RHBDL3: variants seen among roughly 807,000 people sequenced by gnomAD.
The protein encoded by RHBDL3 is rhomboid-related protein 3.
RHBDL3 carries 28 observed loss-of-function variants against 48.2 expected under a neutral mutation model. The ratio of observed to expected loss-of-function variants is 0.58; its 90% CI spans 0.43 to 0.80. The LOEUF is 0.80. Among genes scored for constraint, RHBDL3 ranks in the 30% least tolerant of loss-of-function variants. The probability of loss-of-function intolerance (pLI) is 0.00; values close to 1 mark genes in which losing one functional copy is unlikely to be tolerated. For synonymous variants in RHBDL3, 208 were observed against 232.3 expected (o/e 0.90, Z 0.95); for missense variants, 464 against 542.7 (o/e 0.85, Z 1.44).
chr17:32,298,231 A>G (rs1248965134), intron 6 of RHBDL3, 27 bp downstream of exon 6: 1 of 1,483,130 alleles, frequency 6.7e-7, no homozygotes, highest in African/African-American at 1.4e-5. Flanking sequence ...CGTGTCCACA[A>G]AGGCACACTG....
At position 32,270,249 on chromosome 17, in the gene RHBDL3, G is replaced by A. The variant is rs564457713; in HGVS notation, c.135+2324G>A. ...GTAAGCACAAGTGACTCTGGAGTTC[G>A]CCTTCCAGAGATCAATGGCATGGGT... On this transcript the variant is annotated intron_variant, in intron 2 of 8. Transcript: ENST00000269051. Among the ~76,000 whole-genome samples, 17 of 151,378 alleles carry A rather than the reference G, an allele frequency of 1.1e-4. No homozygotes were observed. In the South Asian group the frequency reaches 3.4e-3, roughly 30 times the overall value.
At chr17:32,318,559 T>C (rs941365899) in intron 8 of RHBDL3, among the ~76,000 whole-genome samples, 1 of 151,778 alleles carries the variant, frequency 6.6e-6, no homozygotes, top group African/African-American at 2.4e-5. Flanking sequence ...GGTATTATTA[T>C]TAGCTTAATT....
intron 2 of RHBDL3, among the ~76,000 whole-genome samples, chr17:32,268,800 GT>G (rs1376875560): frequency 1.3e-5 from 2 of 152,116 alleles, no homozygotes; most frequent in South Asian, 4.1e-4. Flanking sequence ...GCCTTAGAAA[GT>G]TTTTTAGCAG....
intron 2 of RHBDL3, among the ~76,000 whole-genome samples, chr17:32,276,574 A>AG (rs2039903759): frequency 6.6e-6 from 1 of 152,234 alleles, no homozygotes; most frequent in African/African-American, 2.4e-5. Context: ...GTAATGAGGC[A>AG]GGGGGCCAGC....
intron 2 of RHBDL3, among the ~76,000 whole-genome samples, chr17:32,270,614 T>C (rs995824891): frequency 1.3e-5 from 2 of 152,034 alleles, no homozygotes. Context: ...CTCCCTGGCA[T>C]TGTGGCATCT....
intron 1 of RHBDL3, 123 bp downstream of exon 1, chr17:32,266,423 G>A (rs2039632545): frequency 2.1e-6 from 1 of 474,410 alleles, no homozygotes; most frequent in Non-Finnish European, 3.6e-6. Flanking sequence ...CCCCGGATTG[G>A]CCGGGTCCCC....
chr17:32,318,681 CAT>C (rs1051173564), intron 8 of RHBDL3, among the ~76,000 whole-genome samples: 13 of 152,060 alleles, frequency 8.5e-5, no homozygotes, highest in Admixed American at 1.3e-4. Context: ...AAATGTCCCA[CAT>C]GTTAGCCAAG....
chr17:32,308,806 G>A (rs2040770186), intron 7 of RHBDL3, among the ~76,000 whole-genome samples: 1 of 152,014 alleles, frequency 6.6e-6, no homozygotes, highest in Admixed American at 6.6e-5. Context: ...AGTGGCTCAC[G>A]CCTGTAATCC....
chr17:32,302,346 CT>C (rs60947667), intron 6 of RHBDL3, among the ~76,000 whole-genome samples: 76,084 of 151,564 alleles, frequency 0.5, 19,991 homozygotes, highest in Non-Finnish European at 0.56. Context: ...TGAAAGTCTG[CT>C]TTTTTTTAGT....
At chr17:32,305,483 C>G (rs1341657069) in intron 7 of RHBDL3, 42 bp downstream of exon 7, 2 of 1,369,482 alleles carry the variant, frequency 1.5e-6, no homozygotes, top group Admixed American at 1.7e-5. Flanking sequence ...TGGCCCTGTC[C>G]TCTGCCATCA....
intron 2 of RHBDL3, among the ~76,000 whole-genome samples, chr17:32,271,875 A>G (rs1399792446): frequency 6.6e-6 from 1 of 152,226 alleles, no homozygotes; most frequent in African/African-American, 2.4e-5. Flanking sequence ...TGACTGTCTC[A>G]CCAAAATTAT....
chr17:32,320,701 T>C (rs763097696), intron 8 of RHBDL3, among the ~76,000 whole-genome samples: 1 of 152,252 alleles, frequency 6.6e-6, no homozygotes, highest in African/African-American at 2.4e-5. Flanking sequence ...GCATTGCTTT[T>C]AATCACCTGT....
chr17:32,285,251 C>A (rs1280384324), intron 3 of RHBDL3, among the ~76,000 whole-genome samples: 7 of 152,142 alleles, frequency 4.6e-5, no homozygotes, highest in Admixed American at 4.6e-4. Context: ...TTTCTCCCTC[C>A]CATTGGCCTA....
rs1372173343 is a variant in RHBDL3 at position 32,321,429 on chromosome 17, G to A, written c.*200G>A. ...AGGCATCTGGCGGAGGAGTTGATGT[G>A]GCTGCTGTCGTTTTTCTCGGCTGCT... is the stretch of plus-strand genomic sequence containing the variant. On this transcript the variant is annotated 3_prime_UTR_variant, in exon 9 of 9. Transcript: ENST00000269051. The A allele has an allele frequency of 2.0e-6, 3 of 1,475,368 alleles. No individual in the cohort carries two copies. The South Asian group carries it at 3.8e-5, about 19-fold the overall frequency. The allele number at this position is 1,475,368 out of a possible 1,614,324, so 91.4% of individuals were successfully genotyped here. A position where few individuals can be genotyped will look rare whatever the true frequency, so the allele number is the denominator to read the frequency against.
At position 32,266,314 on chromosome 17, in the gene RHBDL3, C is replaced by A; in HGVS notation, c.111+14C>A. 7.2e-7 allele frequency: 1 copy of A among 1,395,308 alleles called. No homozygotes were observed. Among genetic ancestry groups the A allele is most frequent in the East Asian group, 3.1e-5 (1 of 32,672 alleles). The allele number at this position is 1,395,308 out of a possible 1,614,324, so 86.4% of individuals were successfully genotyped here. Reference sequence around the variant, plus strand: ...GCGCCGGAGGACGTGAGTGCCCCCTCCCCGCCCGGCAAACTTTCTAGGGGG... The same window carrying A: ...GCGCCGGAGGACGTGAGTGCCCCCTACCCGCCCGGCAAACTTTCTAGGGGG... On this transcript the variant is annotated intron_variant, in intron 1 of 8. Coordinates refer to ENST00000269051, the MANE Select transcript of RHBDL3 (RefSeq NM_138328.3).
intron 4 of RHBDL3, 108 bp from the exon 5 acceptor site, chr17:32,294,186 A>T: frequency 1.2e-6 from 1 of 849,802 alleles, no homozygotes; most frequent in Non-Finnish European, 1.8e-6. Context: ...TCTTTCTCTG[A>T]GAAGGAAAGG....
Position 32,321,116 on chromosome 17 carries a change from C to G in RHBDL3, c.1102C>G (p.Gln368Glu), listed in dbSNP as rs1255358017. ...GAACTACGAGCAGAGGCTCCAGGAC[C>G]AGTCACTGTGGTGGATTTTTGTGGC... ...LRNYEQRLQD[Q>E]SLWWIFVAMY... Residue 368 changes from glutamine to glutamate, a missense_variant, in exon 9 of 9, where the codon CAG becomes GAG. Gln to Glu is a conservative substitution (Grantham distance 29). Coordinates refer to ENST00000269051, the MANE Select transcript of RHBDL3 (RefSeq NM_138328.3). 2 of 1,614,142 alleles carry G rather than the reference C, an allele frequency of 1.2e-6. No individual in the cohort carries two copies. Among genetic ancestry groups the G allele is most frequent in the Admixed American group, 1.7e-5 (1 of 60,014 alleles).
intron 8 of RHBDL3, among the ~76,000 whole-genome samples, chr17:32,320,233 G>A (rs1486046036): frequency 1.3e-5 from 2 of 152,068 alleles, no homozygotes; most frequent in East Asian, 1.9e-4. Context: ...TGATGGTGCC[G>A]CTGTACTCCC....
intron 2 of RHBDL3, among the ~76,000 whole-genome samples, chr17:32,283,621 C>A (rs1183756652): frequency 6.6e-6 from 1 of 151,946 alleles, no homozygotes; most frequent in Non-Finnish European, 1.5e-5. Flanking sequence ...CTGCGCCTGG[C>A]CCGATCCTGC....
Sources: gnomAD v4.1 joint callset for allele counts (sites outside exome capture counted in the v4.1 genomes callset) on GRCh38, gnomAD v4.1.1 for gene constraint, MANE v1.5 for transcripts, NCBI Gene and HGNC (gene_info 2026-07-23, HGNC 2026-07-21) for gene names.